The following AIFM3 variants were observed in gnomAD, a reference collection of about 807,000 sequenced individuals.
AIFM3 encodes apoptosis-inducing factor 3.
In AIFM3, 71 loss-of-function variants were observed where a neutral mutation model predicts 82.7. The observed-to-expected ratio is 0.86, with a 90% CI of 0.71 to 1.05. AIFM3 has a LOEUF of 1.05. Among genes scored for constraint, AIFM3 ranks in the 50% least tolerant of loss-of-function variants. AIFM3 has a pLI of 0.00. For missense variants in AIFM3, 748 were observed against 816.7 expected, an observed-to-expected ratio of 0.92 and a Z score of 1.03; for synonymous variants, 337 against 329.1, an observed-to-expected ratio of 1.02 and a Z score of -0.26.
chr22:20,977,529 C>A, intron 14 of AIFM3, 171 bp from the exon 15 acceptor site: 1 of 731,616 alleles, frequency 1.4e-6, no homozygotes. Context: ...CGGGAGGCAC[C>A]GGGTCTGTGG....
At chr22:20,968,292 C>T (rs1029597616) in intron 2 of AIFM3, among the ~76,000 whole-genome samples, 17 of 152,128 alleles carry the variant, frequency 1.1e-4, no homozygotes, top group Non-Finnish European at 2.2e-4. Context: ...AGGGGCTATG[C>T]CCCCAGGGCC....
chr22:20,974,486 G>A (rs1251882796), intron 6 of AIFM3, 39 bp from the exon 7 acceptor site: 4 of 1,592,306 alleles, frequency 2.5e-6, no homozygotes. Flanking sequence ...ATGGCATGCA[G>A]AGGATGGCAG....
At chr22:20,966,600 C>T (rs1223770343), upstream of AIFM3, 1 of 152,400 alleles carries the variant, frequency 6.6e-6, no homozygotes, top group Non-Finnish European at 1.5e-5. Context: ...CCAGAGGAAA[C>T]TGGAGGATGG....
In AIFM3 at chr22:20,973,458, C is replaced by T. The variant is rs1923404595; in HGVS notation, c.183C>T (p.Tyr61=). Reference sequence around the variant, plus strand: ...AGCGCCTGTCCACCCCTCACCCCTACCCCAGCCCTCAGGATTGCGTGGAGG... The same window carrying T: ...AGCGCCTGTCCACCCCTCACCCCTATCCCAGCCCTCAGGATTGCGTGGAGG... ...TEERLSTPHP[Y]PSPQDCVEAA... Residue 61 remains tyrosine (Y), a synonymous_variant, in exon 3 of 21, where the codon TAC becomes TAT. Transcript: ENST00000440238. 6.2e-7 allele frequency: 1 copy of T among 1,613,186 alleles called. No homozygotes were observed.
At chr22:20,975,914 T>C in intron 9 of AIFM3, 136 bp downstream of exon 9, 1 of 990,370 alleles carries the variant, frequency 1.0e-6, no homozygotes, top group East Asian at 2.6e-5. Context: ...TGCTCCAGGC[T>C]TGGGAGACAG....
chr22:20,974,504 C>A, intron 6 of AIFM3, 21 bp from the exon 7 acceptor site: 1 of 1,603,808 alleles, frequency 6.2e-7, no homozygotes, highest in Middle Eastern at 1.7e-4. Context: ...CAGTGACCCT[C>A]CACCCTCCTG....
At chr22:20,974,039 C>T (rs1469446576) in intron 4 of AIFM3, 24 bp from the exon 5 acceptor site, 1 of 1,584,242 alleles carries the variant, frequency 6.3e-7, no homozygotes, top group Non-Finnish European at 8.6e-7. Context: ...CTGGTGGGCG[C>T]AGCCTAACAC....
At position 20,967,831 on chromosome 22, in the gene AIFM3, C is replaced by T. The variant is rs375049491; in HGVS notation, c.-114C>T. Reference sequence around the variant, plus strand: ...TCCTAGAGCAGCTCCAGCAGGATGGCGGCTCCAGCGTCTCTAAGGCCTGCA... The same window carrying T: ...TCCTAGAGCAGCTCCAGCAGGATGGTGGCTCCAGCGTCTCTAAGGCCTGCA... On this transcript the variant is annotated 5_prime_UTR_variant, in exon 2 of 21. Coordinates refer to ENST00000440238, the MANE Select transcript of AIFM3 (RefSeq NM_001386814.1). The T allele has an allele frequency of 1.7e-4, 194 of 1,158,344 alleles. No individual in the cohort carries two copies. The highest frequency in any genetic ancestry group is 8.9e-4 in the South Asian group (72 of 80,474). The allele number at this position is 1,158,344 out of a possible 1,614,324, so 71.8% of individuals were successfully genotyped here.
chr22:20,979,394 G>A (rs865816450), intron 17 of AIFM3, 25 bp downstream of exon 17: 5 of 1,547,726 alleles, frequency 3.2e-6, no homozygotes, highest in South Asian at 2.4e-5. Flanking sequence ...TCGGATGGGG[G>A]CGGGGCCGAG....
Position 20,975,696 on chromosome 22 carries a change from T to TGCA in AIFM3, c.726_727insCAG (p.Leu242_Asp243insGln). 2 of 1,613,738 alleles carry TGCA rather than the reference T, an allele frequency of 1.2e-6. No homozygotes were observed. Among genetic ancestry groups the TGCA allele is most frequent in the African/African-American group, 1.3e-5 (1 of 75,068 alleles). The stretch of plus-strand genomic sequence containing the variant: ...CAAGCTGGCTCTCCCCTGCAGTCCC[T>TGCA]GGACACACAGCCTGAGCAGCTGGCC... On this transcript the variant is annotated inframe_insertion, in exon 9 of 21. Coordinates refer to ENST00000440238, the MANE Select transcript of AIFM3 (RefSeq NM_001386814.1).
rs1377698302 is a variant in AIFM3 at position 20,979,329 on chromosome 22, C to T, written c.1536C>T (p.Tyr512=). The T allele has an allele frequency of 5.1e-6, 8 of 1,559,980 alleles. No homozygotes were observed. The highest frequency in any genetic ancestry group is 4.8e-5 in the East Asian group (2 of 41,630). Residue 512 remains tyrosine, a synonymous_variant, in exon 17 of 21, where the codon TAC becomes TAT. Transcript: ENST00000440238. The stretch of plus-strand genomic sequence containing the variant: ...AGGCGGAGATGAGCACTGTGCCCTA[C>T]CTCTGGACCGCCATGTTTGGCAAGA... The part of the protein sequence containing the change: ...AQEAEMSTVP[Y]LWTAMFGKSL...
rs1375782565 is a variant in AIFM3, at chr22:20,976,215, G to A, written c.808G>A (p.Val270Met). 2.5e-6 allele frequency: 4 copies of A among 1,613,058 alleles called. No homozygotes were observed. Among genetic ancestry groups the A allele is most frequent in the Admixed American group, 3.3e-5 (2 of 59,842 alleles). ...YGIEVLTEAQ[V>M]VTVDVRTKKV... ...ATGCTCTGCCTGGTGGGGATTGCAGGTGGTCACAGTGGACGTGAGAACTAA... is the reference window on the plus strand; with the variant it reads ...ATGCTCTGCCTGGTGGGGATTGCAGATGGTCACAGTGGACGTGAGAACTAA... Residue 270 changes from valine to methionine, a missense_variant and splice_region_variant, in exon 10 of 21, where the codon GTG becomes ATG. Val to Met is a conservative substitution (Grantham distance 21, BLOSUM62 1). This residue lies in a region of AIFM3 where 393 missense variants were observed against 481.1 expected (regional missense o/e 0.82). Transcript: ENST00000440238.
In AIFM3 at chr22:20,974,908, CG is replaced by C. The variant is rs759034547; in HGVS notation, c.720+94del. ...GCTTGTCACCCCATTGGGGTCTGGC[CG>C]GCTGCCCTCCCTGCTTATGCCAGGC... On this transcript the variant is annotated intron_variant, in intron 8 of 20. Coordinates refer to ENST00000440238, the MANE Select transcript of AIFM3 (RefSeq NM_001386814.1). 683 of 1,267,058 alleles carry C rather than the reference CG, an allele frequency of 5.4e-4. 1 individual carries two copies. Among genetic ancestry groups the C allele is most frequent in the Middle Eastern group, 3.8e-3 (14 of 3,684 alleles). The allele number at this position is 1,267,058 out of a possible 1,614,324, so 78.5% of individuals were successfully genotyped here. A position where few individuals can be genotyped will look rare whatever the true frequency, so the allele number is the denominator to read the frequency against.
At chr22:20,972,738 C>T (rs1207524918) in intron 2 of AIFM3, among the ~76,000 whole-genome samples, 2 of 152,112 alleles carry the variant, frequency 1.3e-5, no homozygotes, top group African/African-American at 4.8e-5. Context: ...GTGTCCCCCT[C>T]ACTAACACTG....
rs1220478824 is a variant in AIFM3 at position 20,974,054 on chromosome 22, C to T, written c.356-9C>T. On this transcript the variant is annotated splice_polypyrimidine_tract_variant and intron_variant, in intron 4 of 20. Transcript: ENST00000440238. Reference sequence around the variant, plus strand: ...CTGGTGGGCGCAGCCTAACACCTCCCCTTCCCAGGCGTTCTGTCCCGTGGT... The same window carrying T: ...CTGGTGGGCGCAGCCTAACACCTCCTCTTCCCAGGCGTTCTGTCCCGTGGT... 10 of 1,599,996 alleles carry T rather than the reference C, an allele frequency of 6.3e-6. No individual in the cohort carries two copies. The South Asian group carries it at 1.0e-4, about 16-fold the overall frequency.
Position 20,974,565 on chromosome 22 carries a change from G to T in AIFM3, c.551G>T (p.Cys184Phe), listed in dbSNP as rs758018566. The T allele has an allele frequency of 6.2e-7, 1 of 1,613,666 alleles. No individual in the cohort carries two copies. The highest frequency in any genetic ancestry group is 8.5e-7 in the Non-Finnish European group (1 of 1,179,904). Reference protein sequence around the residue: ...LQRRTKVMAKCISPSAGYSSS... With the variant: ...LQRRTKVMAKFISPSAGYSSS... ...CGAAGGACCAAGGTGATGGCCAAGT[G>T]TATCTCTCCAAGTGCTGGGTACAGC... is the stretch of plus-strand genomic sequence containing the variant. The change falls in exon 7 of 21, where the codon TGT (cysteine) becomes TTT (phenylalanine). Residue 184 changes from cysteine (C) to phenylalanine (F), a missense_variant. Cys to Phe is a radical substitution (Grantham distance 205). This residue lies in a region of AIFM3 where 393 missense variants were observed against 481.1 expected (regional missense o/e 0.82). Coordinates refer to ENST00000440238, the MANE Select transcript of AIFM3 (RefSeq NM_001386814.1).
At chr22:20,980,482 C>T in intron 19 of AIFM3, 1 of 600,214 alleles carries the variant, frequency 1.7e-6, no homozygotes, top group South Asian at 2.0e-5. Context: ...TACTGATGCC[C>T]TGGGTATGCC....
chr22:20,979,959 G>T lies in AIFM3; in HGVS notation c.1653-61G>T. 4 of 1,501,616 alleles carry T rather than the reference G, an allele frequency of 2.7e-6. No individual in the cohort carries two copies. In the South Asian group the frequency reaches 4.8e-5, roughly 18 times the overall value. The allele number at this position is 1,501,616 out of a possible 1,614,324, so 93.0% of individuals were successfully genotyped here. A position where few individuals can be genotyped will look rare whatever the true frequency, so the allele number is the denominator to read the frequency against. Reference sequence around the variant, plus strand: ...GCCCCAGATGGACAGCAGTGCATCAGGGTTTTCAAAAAGGGGCTGCTGCCT... The same window carrying T: ...GCCCCAGATGGACAGCAGTGCATCATGGTTTTCAAAAAGGGGCTGCTGCCT... On this transcript the variant is annotated intron_variant, in intron 18 of 20. Transcript: ENST00000440238.
At chr22:20,965,323 C>G (rs1340158738), upstream of AIFM3, 1 of 151,778 alleles carries the variant, frequency 6.6e-6, no homozygotes, top group Non-Finnish European at 1.5e-5. Context: ...CGGACCCCGG[C>G]CCGGCACGTT....
Sources: gnomAD v4.1 joint callset for allele counts (sites outside exome capture counted in the v4.1 genomes callset) on GRCh38, gnomAD v4.1.1 for gene constraint, gnomAD v4.1.1 regional missense constraint, MANE v1.5 for transcripts, NCBI Gene and HGNC (gene_info 2026-07-23, HGNC 2026-07-21) for gene names.